TRABD2B: variants seen among roughly 807,000 people sequenced by gnomAD.
TRABD2B encodes TraB domain containing 2B, also known as metalloprotease TIKI2.
Under a neutral mutation model 40.1 loss-of-function variants are expected in TRABD2B, and 14 were observed. The observed-to-expected ratio is 0.35, with a 90% confidence interval of 0.23 to 0.55. The LOEUF is 0.55. TRABD2B is among the 20% of genes least tolerant of loss of function. TRABD2B has a pLI of 0.90. For synonymous variants in TRABD2B, 263 were observed against 277.0 expected, an observed-to-expected ratio of 0.95 and a Z score of 0.50; for missense variants, 541 against 648.6, an observed-to-expected ratio of 0.83 and a Z score of 1.80.
chr1:47,823,027 G>A (rs1036207666), intron 2 of TRABD2B, among the ~76,000 whole-genome samples: 1 of 152,270 alleles, frequency 6.6e-6, no homozygotes, highest in South Asian at 2.1e-4. Flanking sequence ...GTGAAGAGTG[G>A]TGATGGGGAC....
intron 2 of TRABD2B, among the ~76,000 whole-genome samples, chr1:47,835,888 G>A (rs1645312035): frequency 1.3e-5 from 2 of 152,148 alleles, no homozygotes; most frequent in South Asian, 4.2e-4. Flanking sequence ...AATGAAAAAT[G>A]AATTTTGAAG....
intron 2 of TRABD2B, among the ~76,000 whole-genome samples, chr1:47,809,975 C>A (rs968303578): frequency 3.3e-5 from 5 of 152,256 alleles, no homozygotes; most frequent in Admixed American, 3.3e-4. Context: ...CTGTTCCAGG[C>A]CCTGGAGGTA....
intron 2 of TRABD2B, among the ~76,000 whole-genome samples, chr1:47,964,132 T>G (rs1418368898): frequency 6.6e-6 from 1 of 152,208 alleles, no homozygotes; most frequent in African/African-American, 2.4e-5. Context: ...ATGGAAAGTT[T>G]CCCTGGAATG....
At chr1:47,823,911 T>C (rs753969663) in intron 2 of TRABD2B, among the ~76,000 whole-genome samples, 23 of 152,182 alleles carry the variant, frequency 1.5e-4, no homozygotes, top group Non-Finnish European at 2.8e-4. Context: ...AACAGGGCTC[T>C]TCTGGGGCCT....
chr1:47,987,889 T>C (rs1451152346), intron 2 of TRABD2B, among the ~76,000 whole-genome samples: 5 of 152,262 alleles, frequency 3.3e-5, no homozygotes, highest in Non-Finnish European at 7.4e-5. Context: ...GTCCAGGTTC[T>C]GGAGGTATAT....
At chr1:47,826,924 TG>T (rs1376574443) in intron 2 of TRABD2B, among the ~76,000 whole-genome samples, 1 of 152,162 alleles carries the variant, frequency 6.6e-6, no homozygotes, top group African/African-American at 2.4e-5. Flanking sequence ...CGGGAAGTAC[TG>T]GGGCAGGACT....
intron 2 of TRABD2B, among the ~76,000 whole-genome samples, chr1:47,941,383 AAC>A (rs1393152344): frequency 2.0e-5 from 3 of 152,034 alleles, no homozygotes; most frequent in East Asian, 3.9e-4. Context: ...TATACACACA[AAC>A]ACACTTGTAT....
intron 2 of TRABD2B, among the ~76,000 whole-genome samples, chr1:47,863,890 C>A (rs1644015639): frequency 6.6e-6 from 1 of 152,176 alleles, no homozygotes; most frequent in Non-Finnish European, 1.5e-5. Context: ...TACAGTACAT[C>A]TAGCCAATGG....
At chr1:47,917,089 G>A (rs571668313) in intron 2 of TRABD2B, among the ~76,000 whole-genome samples, 57 of 152,226 alleles carry the variant, frequency 3.7e-4, no homozygotes, top group Non-Finnish European at 7.5e-4. Context: ...AGACCCAACA[G>A]ATGGTGTTCA....
intron 2 of TRABD2B, among the ~76,000 whole-genome samples, chr1:47,932,168 G>T (rs1383801464): frequency 6.6e-6 from 1 of 152,190 alleles, no homozygotes; most frequent in African/African-American, 2.4e-5. Flanking sequence ...GAGCTTTAGG[G>T]TAGAGACTGC....
chr1:47,995,977 T>G (rs1020535142), intron 1 of TRABD2B, among the ~76,000 whole-genome samples: 1 of 152,166 alleles, frequency 6.6e-6, no homozygotes, highest in African/African-American at 2.4e-5. Flanking sequence ...AATTTACACT[T>G]AGAGGGAAAG....
At chr1:47,827,044 T>C (rs948114963) in intron 2 of TRABD2B, among the ~76,000 whole-genome samples, 1 of 152,134 alleles carries the variant, frequency 6.6e-6, no homozygotes, top group Non-Finnish European at 1.5e-5. Flanking sequence ...CCACACTCCA[T>C]GGAGGACTGA....
At chr1:47,845,083 A>G (rs1036636158) in intron 2 of TRABD2B, among the ~76,000 whole-genome samples, 2 of 152,080 alleles carry the variant, frequency 1.3e-5, no homozygotes, top group African/African-American at 4.8e-5. Flanking sequence ...CCGTCCATCA[A>G]TCTCCAGACG....
chr1:47,804,035 C>T (rs1644857074), intron 2 of TRABD2B, among the ~76,000 whole-genome samples: 1 of 152,226 alleles, frequency 6.6e-6, no homozygotes, highest in Non-Finnish European at 1.5e-5. Flanking sequence ...ACATAGGCAA[C>T]AGGGCCAAGC....
intron 2 of TRABD2B, among the ~76,000 whole-genome samples, chr1:47,942,118 ATC>A (rs1226651543): frequency 6.8e-6 from 1 of 146,644 alleles, no homozygotes; most frequent in East Asian, 2.0e-4. Flanking sequence ...CTGGGAGTAA[ATC>A]TGACTGCATT....
At chr1:47,859,431 C>T (rs1424926784) in intron 2 of TRABD2B, among the ~76,000 whole-genome samples, 1 of 152,234 alleles carries the variant, frequency 6.6e-6, no homozygotes, top group East Asian at 1.9e-4. Flanking sequence ...CCACCCCACA[C>T]CCTCCTTTTA....
rs568161117 is a variant in TRABD2B at position 47,878,240 on chromosome 1, C to T, written c.667-76621G>A. Among the ~76,000 whole-genome samples, 16 of 152,116 alleles carry T rather than the reference C, an allele frequency of 1.1e-4. No homozygotes were observed. In the South Asian group the frequency reaches 2.5e-3, roughly 24 times the overall value. ...CTGAGGCAGGAGAATTGCTTGAACC[C>T]GAGAAGCGGAGGTTGCAGTGAGCCG... On this transcript the variant is annotated intron_variant, in intron 2 of 6. Coordinates refer to ENST00000606738, the MANE Select transcript of TRABD2B (RefSeq NM_001194986.2).
intron 2 of TRABD2B, among the ~76,000 whole-genome samples, chr1:47,872,651 A>T (rs908244031): frequency 5.9e-5 from 9 of 152,172 alleles, no homozygotes; most frequent in Admixed American, 3.3e-4. Flanking sequence ...AGAGTCAGAG[A>T]AGGACTGAGA....
chr1:47,802,108 C>T (rs1011866559), intron 2 of TRABD2B, among the ~76,000 whole-genome samples: 3 of 152,172 alleles, frequency 2.0e-5, no homozygotes, highest in Non-Finnish European at 4.4e-5. Flanking sequence ...AGGGAAAGGC[C>T]TGAGGAGCTC....
Sources: gnomAD v4.1 joint callset for allele counts (sites outside exome capture counted in the v4.1 genomes callset) on GRCh38, gnomAD v4.1.1 for gene constraint, MANE v1.5 for transcripts, NCBI Gene and HGNC (gene_info 2026-07-23, HGNC 2026-07-21) for gene names.